The following ACOT13 variants were observed in gnomAD, a reference collection of about 807,000 sequenced individuals.
ACOT13 encodes acyl-coenzyme A thioesterase 13.
Under a neutral mutation model 11.8 loss-of-function variants are expected in ACOT13, and 10 were observed. The observed-to-expected ratio is 0.85, with a 90% CI of 0.53 to 1.44. ACOT13 has a LOEUF of 1.44. Among genes scored for constraint, ACOT13 ranks in the 40% most tolerant of loss-of-function variants. The pLI is 0.00. For missense variants in ACOT13, 172 were observed against 174.1 expected (o/e 0.99, Z 0.07); for synonymous variants, 53 against 61.0 (o/e 0.87, Z 0.61).
In ACOT13 at chr6:24,696,074, AAAAAAAC is replaced by A. The variant is rs902152537; in HGVS notation, c.82-1794_82-1788del. Among the ~76,000 whole-genome samples the A allele has an allele frequency of 6.6e-4, 100 of 152,254 alleles. 1 individual carries two copies. The highest frequency in any genetic ancestry group is 3.4e-3 in the Middle Eastern group (1 of 294). ...CTTCATCTCAAAACAAAAAACAAAC[AAAAAAAC>A]AAAAAACAAAAAACCCAACAACAAA... On this transcript the variant is annotated intron_variant, in intron 1 of 2. Coordinates refer to ENST00000230048, the MANE Select transcript of ACOT13 (RefSeq NM_018473.4).
intron 1 of ACOT13, among the ~76,000 whole-genome samples, chr6:24,669,571 T>C (rs973761485): frequency 2.0e-5 from 3 of 152,178 alleles, no homozygotes; most frequent in Non-Finnish European, 4.4e-5. Flanking sequence ...AAAAAATTTT[T>C]TTTTGGAGAA....
At chr6:24,682,922 G>A (rs11962639) in intron 1 of ACOT13, among the ~76,000 whole-genome samples, 26,482 of 152,244 alleles carry the variant, frequency 0.17, 2,498 homozygotes, top group South Asian at 0.28. Context: ...TCAGGCAATA[G>A]ATGATTGGCT....
chr6:24,670,407 A>G (rs1405382656), intron 1 of ACOT13, among the ~76,000 whole-genome samples: 1 of 152,224 alleles, frequency 6.6e-6, no homozygotes, highest in East Asian at 1.9e-4. Flanking sequence ...AGAAAATGAC[A>G]TTCTTTACTT....
intron 1 of ACOT13, among the ~76,000 whole-genome samples, chr6:24,675,447 T>C (rs983443944): frequency 2.0e-5 from 3 of 152,236 alleles, no homozygotes; most frequent in Non-Finnish European, 4.4e-5. Context: ...TGGTATCTCA[T>C]TGTGGTTTTG....
At chr6:24,694,022 A>G (rs1229809336) in intron 1 of ACOT13, among the ~76,000 whole-genome samples, 1 of 152,172 alleles carries the variant, frequency 6.6e-6, no homozygotes, top group Non-Finnish European at 1.5e-5. Flanking sequence ...GCATAAACTC[A>G]TATGAATGCA....
intron 1 of ACOT13, among the ~76,000 whole-genome samples, chr6:24,680,421 G>A (rs10946716): frequency 1.3e-5 from 2 of 151,568 alleles, no homozygotes; most frequent in Admixed American, 1.3e-4. Context: ...GAACGTTTCC[G>A]ATCTGAAAAA....
At chr6:24,674,053 T>G (rs1778406017) in intron 1 of ACOT13, among the ~76,000 whole-genome samples, 1 of 151,898 alleles carries the variant, frequency 6.6e-6, no homozygotes, top group Non-Finnish European at 1.5e-5. Flanking sequence ...TTTTGTGGGG[T>G]TTTTTTTGTT....
At chr6:24,683,859 G>A (rs1582439354) in intron 1 of ACOT13, among the ~76,000 whole-genome samples, 1 of 143,702 alleles carries the variant, frequency 7.0e-6, no homozygotes, top group East Asian at 2.0e-4. Flanking sequence ...GCCCTAAGCA[G>A]TTCCCAGCTT....
chr6:24,689,135 G>C lies in ACOT13; in HGVS notation c.82-8748G>C, dbSNP rs534757939. 6.8e-4 allele frequency among the ~76,000 whole-genome samples: 103 copies of C among 151,940 alleles called. 1 individual carries two copies. Among genetic ancestry groups the C allele is most frequent in the African/African-American group, 2.5e-3 (102 of 41,440 alleles). On this transcript the variant is annotated intron_variant, in intron 1 of 2. Coordinates refer to ENST00000230048, the MANE Select transcript of ACOT13 (RefSeq NM_018473.4). Reference sequence around the variant, plus strand: ...GATTGTGCCACTGCACTCCAGCCTGGGCAACGAGAAAAAGACTCCGTCTCA... The same window carrying C: ...GATTGTGCCACTGCACTCCAGCCTGCGCAACGAGAAAAAGACTCCGTCTCA...
intron 1 of ACOT13, among the ~76,000 whole-genome samples, chr6:24,674,570 G>A (rs1177842444): frequency 4.0e-5 from 6 of 151,590 alleles, no homozygotes. Flanking sequence ...CACCACGCCT[G>A]GCTAATTTTC....
chr6:24,667,110 C>A lies in ACOT13; in HGVS notation c.-154C>A. On this transcript the variant is annotated 5_prime_UTR_variant, in exon 1 of 3. Transcript: ENST00000230048. The stretch of plus-strand genomic sequence containing the variant: ...AATCGCGGACCACCGGGGCTGCCAG[C>A]TCGCCTGACTCCCGGCCTCTTGCGC... 1 of 871,980 alleles carries A rather than the reference C, an allele frequency of 1.1e-6. No individual in the cohort carries two copies. The highest frequency in any genetic ancestry group is 1.7e-6 in the Non-Finnish European group (1 of 575,342). 54.0% of individuals were successfully genotyped at this position (871,980 alleles called of 1,614,324 possible). A position where few individuals can be genotyped will look rare whatever the true frequency, so the allele number is the denominator to read the frequency against.
At chr6:24,668,708 G>T (rs1175274806) in intron 1 of ACOT13, among the ~76,000 whole-genome samples, 1 of 152,242 alleles carries the variant, frequency 6.6e-6, no homozygotes, top group East Asian at 1.9e-4. Context: ...AAGTTACAAA[G>T]TTGCCCTTAT....
At chr6:24,670,090 CT>C (rs568543823) in intron 1 of ACOT13, among the ~76,000 whole-genome samples, 50 of 152,216 alleles carry the variant, frequency 3.3e-4, no homozygotes, top group African/African-American at 1.1e-3. Flanking sequence ...AACAAGTGGA[CT>C]GTAAGTTTTG....
At chr6:24,684,628 T>C (rs1380713748) in intron 1 of ACOT13, among the ~76,000 whole-genome samples, 1 of 147,134 alleles carries the variant, frequency 6.8e-6, no homozygotes, top group Non-Finnish European at 1.5e-5. Flanking sequence ...ATGTGAGTGA[T>C]ATCTGTAGTT....
At position 24,698,135 on chromosome 6, in the gene ACOT13, C is replaced by T. The variant is rs979269613; in HGVS notation, c.266+68C>T. 24 of 1,318,384 alleles carry T rather than the reference C, an allele frequency of 1.8e-5. No homozygotes were observed. In the African/African-American group the frequency reaches 3.5e-4, roughly 19 times the overall value. 81.7% of individuals were successfully genotyped at this position (1,318,384 alleles called of 1,614,324 possible). On this transcript the variant is annotated intron_variant, in intron 2 of 2. Coordinates refer to ENST00000230048, the MANE Select transcript of ACOT13 (RefSeq NM_018473.4). ...CTGTCTAAACAACTGAGACTAAACA[C>T]ATTTATATTATTAGTAACGCATGAG...
chr6:24,695,546 G>T (rs1778779342), intron 1 of ACOT13, among the ~76,000 whole-genome samples: 1 of 152,084 alleles, frequency 6.6e-6, no homozygotes. Flanking sequence ...TATTTATTCT[G>T]TCTACAACAG....
intron 2 of ACOT13, among the ~76,000 whole-genome samples, chr6:24,700,496 C>T (rs549933610): frequency 8.2e-5 from 11 of 133,340 alleles, no homozygotes; most frequent in Middle Eastern, 5.0e-3. Flanking sequence ...AGTCCAGTGG[C>T]GCGATCTCGG....
intron 1 of ACOT13, among the ~76,000 whole-genome samples, chr6:24,670,602 C>G (rs9358788): frequency 6.6e-6 from 1 of 152,012 alleles, no homozygotes; most frequent in African/African-American, 2.4e-5. Flanking sequence ...CAGATTCTTA[C>G]TGCACTTATG....
intron 1 of ACOT13, among the ~76,000 whole-genome samples, chr6:24,680,557 ATTAG>A (rs1215578580): frequency 2.0e-5 from 3 of 152,026 alleles, no homozygotes; most frequent in Non-Finnish European, 4.4e-5. Flanking sequence ...TGCTTATCGG[ATTAG>A]TTACGCTCAC....
Sources: allele counts gnomAD v4.1 joint callset (sites outside exome capture counted in the v4.1 genomes callset), GRCh38; gene constraint gnomAD v4.1.1; transcripts MANE v1.5; gene names NCBI Gene and HGNC (gene_info 2026-07-23, HGNC 2026-07-21).